Variants in SETBP1 observed in about 807,000 individuals in gnomAD.
SETBP1 encodes the protein SET binding protein 1.
Under a neutral mutation model 101.0 loss-of-function variants are expected in SETBP1, and 9 were observed. That is an observed-to-expected ratio of 0.09 (90% CI 0.05 to 0.16). SETBP1 has a LOEUF of 0.16. Among genes scored for constraint, SETBP1 ranks in the 10% least tolerant of loss-of-function variants. The pLI is 1.00. For missense variants in SETBP1, 1,858 were observed against 2,033.8 expected (o/e 0.91, Z 1.66); for synonymous variants, 818 against 788.5 (o/e 1.04, Z -0.63).
chr18:45,060,391 T>A (rs367617431), intron 5 of SETBP1, among the ~76,000 whole-genome samples: 8 of 152,178 alleles, frequency 5.3e-5, no homozygotes, highest in African/African-American at 1.9e-4. Context: ...CTTACATCAT[T>A]ACCAATACTA....
chr18:44,682,346 A>G (rs2068773458), intron 1 of SETBP1, among the ~76,000 whole-genome samples: 2 of 152,202 alleles, frequency 1.3e-5, no homozygotes, highest in South Asian at 4.1e-4. Flanking sequence ...AGACCTGGGC[A>G]TTCCGGGGAG....
At chr18:44,985,589 T>G (rs1280583734) in intron 4 of SETBP1, among the ~76,000 whole-genome samples, 5 of 152,238 alleles carry the variant, frequency 3.3e-5, no homozygotes, top group Non-Finnish European at 7.3e-5. Flanking sequence ...GAGTAATGAT[T>G]CTTTTTCTTC....
intron 4 of SETBP1, among the ~76,000 whole-genome samples, chr18:45,009,218 CAGGGA>C (rs2072788274): frequency 6.6e-6 from 1 of 152,026 alleles, no homozygotes; most frequent in African/African-American, 2.4e-5. Context: ...AGTTTGCCAA[CAGGGA>C]AGCTTGGGCT....
intron 3 of SETBP1, among the ~76,000 whole-genome samples, chr18:44,892,932 ATCT>A (rs2069806348): frequency 6.6e-6 from 1 of 152,128 alleles, no homozygotes; most frequent in Admixed American, 6.6e-5. Context: ...AAGCAATCAA[ATCT>A]TCTGGTAGCT....
intron 2 of SETBP1, among the ~76,000 whole-genome samples, chr18:44,824,466 T>G (rs2072189170): frequency 6.6e-6 from 1 of 152,230 alleles, no homozygotes; most frequent in Non-Finnish European, 1.5e-5. Context: ...GGGTCCACAT[T>G]AAAATTTATT....
At chr18:45,030,699 G>A (rs1162695628) in intron 4 of SETBP1, among the ~76,000 whole-genome samples, 1 of 148,890 alleles carries the variant, frequency 6.7e-6, no homozygotes, top group African/African-American at 2.6e-5. Flanking sequence ...GCCTGTTATT[G>A]GTCTATTCAG....
At chr18:44,815,375 G>A (rs61046680) in intron 2 of SETBP1, among the ~76,000 whole-genome samples, 2 of 152,250 alleles carry the variant, frequency 1.3e-5, no homozygotes, top group Admixed American at 6.5e-5. Context: ...TGGATTTGAA[G>A]AGGAGGCTGT....
At chr18:44,942,506 G>A (rs778434534) in intron 3 of SETBP1, among the ~76,000 whole-genome samples, 2 of 152,014 alleles carry the variant, frequency 1.3e-5, no homozygotes, top group Admixed American at 6.6e-5. Context: ...TCTTGGTTTT[G>A]TCTTCCCAGT....
At chr18:44,877,582 TTTAA>T (rs2069437313) in intron 3 of SETBP1, among the ~76,000 whole-genome samples, 1 of 152,202 alleles carries the variant, frequency 6.6e-6, no homozygotes, top group Non-Finnish European at 1.5e-5. Flanking sequence ...AGGAAACCCA[TTTAA>T]TTATTACCAG....
Position 44,952,703 on chromosome 18 carries a change from T to A in SETBP1, c.3363T>A (p.Val1121=), listed in dbSNP as rs564404230. The change falls in exon 4 of 6, where the codon GTT becomes GTA. Residue 1121 remains valine, a synonymous_variant. Transcript: ENST00000649279. The part of the protein sequence containing the change: ...AKHGVHLQGP[V]SMGLGDMQPS... The stretch of plus-strand genomic sequence containing the variant: ...ATGGAGTACACCTGCAGGGACCTGT[T>A]AGCATGGGCCTTGGTGACATGCAGC... 6.2e-7 allele frequency: 1 copy of A among 1,614,066 alleles called. No individual in the cohort carries two copies. Among genetic ancestry groups the A allele is most frequent in the East Asian group, 2.2e-5 (1 of 44,860 alleles).
At chr18:45,031,343 T>G (rs918771962) in intron 4 of SETBP1, among the ~76,000 whole-genome samples, 1 of 152,170 alleles carries the variant, frequency 6.6e-6, no homozygotes, top group Non-Finnish European at 1.5e-5. Flanking sequence ...GGAATTACGA[T>G]GTGGACAGCT....
chr18:45,022,721 A>G (rs994260021), intron 4 of SETBP1, among the ~76,000 whole-genome samples: 1 of 152,098 alleles, frequency 6.6e-6, no homozygotes, highest in South Asian at 2.1e-4. Context: ...TCCCAGCTAC[A>G]TGGGAGGCTG....
At chr18:44,819,614 C>A (rs1243653048) in intron 2 of SETBP1, among the ~76,000 whole-genome samples, 1 of 152,070 alleles carries the variant, frequency 6.6e-6, no homozygotes, top group Non-Finnish European at 1.5e-5. Context: ...CCATGCAGGG[C>A]AGAGGAAGGA....
Position 44,955,277 on chromosome 18 carries a change from C to T in SETBP1, c.4000+1937C>T, listed in dbSNP as rs1599374478. On this transcript the variant is annotated intron_variant, in intron 4 of 5. Coordinates refer to ENST00000649279, the MANE Select transcript of SETBP1 (RefSeq NM_015559.3). ...TCATCACTTTATTAAAACTCCTCCTCATCCCTGTCCCATCTCATCTCATCT... is the reference window on the plus strand; with the variant it reads ...TCATCACTTTATTAAAACTCCTCCTTATCCCTGTCCCATCTCATCTCATCT... Among the ~76,000 whole-genome samples the T allele has an allele frequency of 3.9e-5, 6 of 152,320 alleles. No homozygotes were observed. In the South Asian group the frequency reaches 1.2e-3, roughly 32 times the overall value.
intron 2 of SETBP1, among the ~76,000 whole-genome samples, chr18:44,835,148 C>A (rs2072469942): frequency 6.6e-6 from 1 of 151,950 alleles, no homozygotes; most frequent in African/African-American, 2.4e-5. Context: ...TAGGAAGGTC[C>A]CTGGGTTGGG....
chr18:44,816,987 T>C (rs1024144087), intron 2 of SETBP1, among the ~76,000 whole-genome samples: 6 of 152,088 alleles, frequency 3.9e-5, no homozygotes, highest in Non-Finnish European at 8.8e-5. Flanking sequence ...GGTCAGATGA[T>C]AATATTGCCC....
At chr18:44,685,980 G>T (rs2068832237) in intron 1 of SETBP1, among the ~76,000 whole-genome samples, 1 of 152,170 alleles carries the variant, frequency 6.6e-6, no homozygotes, top group Admixed American at 6.5e-5. Flanking sequence ...CAAGAAAAAA[G>T]GAAAAAGATG....
rs907430576 is a variant in SETBP1 at position 44,681,615 on chromosome 18, T to C, written c.-173+594T>C. ...CTGAAATCGGATCCAACTGGAAATATTTTCATTGGAGATTGAAAGTTGTGC... is the reference window on the plus strand; with the variant it reads ...CTGAAATCGGATCCAACTGGAAATACTTTCATTGGAGATTGAAAGTTGTGC... On this transcript the variant is annotated intron_variant, in intron 1 of 5. Coordinates refer to ENST00000649279, the MANE Select transcript of SETBP1 (RefSeq NM_015559.3). Among the ~76,000 whole-genome samples the C allele has an allele frequency of 2.2e-5, 3 of 135,068 alleles. No individual in the cohort carries two copies. In the South Asian group the frequency reaches 7.0e-4, roughly 32 times the overall value. 88.6% of individuals were successfully genotyped at this position (135,068 alleles called of 152,430 possible).
chr18:44,998,790 A>G (rs1934440200), intron 4 of SETBP1, among the ~76,000 whole-genome samples: 1 of 152,228 alleles, frequency 6.6e-6, no homozygotes, highest in African/African-American at 2.4e-5. Context: ...CTAGAACTCC[A>G]TAAACAATAT....
Sources: gnomAD v4.1 joint callset for allele counts (sites outside exome capture counted in the v4.1 genomes callset) on GRCh38, gnomAD v4.1.1 for gene constraint, MANE v1.5 for transcripts, NCBI Gene and HGNC (gene_info 2026-07-23, HGNC 2026-07-21) for gene names.